Variants in TTLL11 observed in about 807,000 individuals in gnomAD.
TTLL11 encodes tubulin polyglutamylase TTLL11.
TTLL11 carries 42 observed loss-of-function variants against 51.7 expected under a neutral mutation model. The ratio of observed to expected loss-of-function variants is 0.81; its 90% confidence interval spans 0.64 to 1.05. The LOEUF is 1.05. Ranked by LOEUF, TTLL11 falls within the 50% of genes least tolerant of loss-of-function variation. The pLI, the probability that TTLL11 is intolerant of heterozygous loss-of-function variation, is 0.00. For missense variants in TTLL11, 799 were observed against 940.4 expected, an observed-to-expected ratio of 0.85 and a Z score of 1.97; for synonymous variants, 381 against 383.5, an observed-to-expected ratio of 0.99 and a Z score of 0.08.
In TTLL11 at chr9:122,036,910, T is replaced by G. The variant is rs563844976; in HGVS notation, c.559+2362A>C. ...AGAGGTTTAAGAGTCTGCTTTGTCA[T>G]TAGAACTAATTAATTTCTGTTAATA... On this transcript the variant is annotated intron_variant, in intron 2 of 8. Transcript: ENST00000321582. Among the ~76,000 whole-genome samples the G allele has an allele frequency of 2.0e-5, 3 of 152,290 alleles. No individual in the cohort carries two copies. The East Asian group carries it at 5.8e-4, about 29-fold the overall frequency.
intron 1 of TTLL11, among the ~76,000 whole-genome samples, chr9:122,091,487 T>C (rs1194496094): frequency 6.6e-6 from 1 of 152,174 alleles, no homozygotes; most frequent in African/African-American, 2.4e-5. Context: ...CTACACCCTA[T>C]CCACCTGGAA....
chr9:121,943,446 A>G (rs1365361700), intron 6 of TTLL11, among the ~76,000 whole-genome samples: 1 of 152,122 alleles, frequency 6.6e-6, no homozygotes, highest in East Asian at 1.9e-4. Context: ...CTTCCCCCAA[A>G]CACTTACCTC....
At chr9:122,003,967 C>A (rs915475920) in intron 3 of TTLL11, among the ~76,000 whole-genome samples, 1 of 150,602 alleles carries the variant, frequency 6.6e-6, no homozygotes, top group African/African-American at 2.4e-5. Context: ...TACAAAAATA[C>A]AAAAAGTGGC....
rs142119523 is a variant in TTLL11, at chr9:121,922,866, T to C, written c.1481+51143A>G. The stretch of plus-strand genomic sequence containing the variant: ...ATATAAACAGATAATTTCCCAGTAC[T>C]ATAAAATGAAACATAAATAGTAAAT... On this transcript the variant is annotated intron_variant, in intron 6 of 8. Transcript: ENST00000321582. Among the ~76,000 whole-genome samples, 316 of 152,140 alleles carry C rather than the reference T, an allele frequency of 2.1e-3. 1 individual carries two copies. Among genetic ancestry groups the C allele is most frequent in the Non-Finnish European group, 3.8e-3 (257 of 68,006 alleles).
At chr9:121,962,586 A>C (rs1473198687) in intron 6 of TTLL11, among the ~76,000 whole-genome samples, 4 of 152,210 alleles carry the variant, frequency 2.6e-5, no homozygotes, top group African/African-American at 7.2e-5. Context: ...GTTGTCTACT[A>C]TCAGTGATTT....
At position 121,870,727 on chromosome 9, in the gene TTLL11, T is replaced by A; in HGVS notation, c.1503A>T (p.Pro501=). 1 of 1,548,752 alleles carries A rather than the reference T, an allele frequency of 6.5e-7. No individual in the cohort carries two copies. The highest frequency in any genetic ancestry group is 8.7e-7 in the Non-Finnish European group (1 of 1,144,832). ...RENQSQQLEK[P]FAGKEDALDG... ...CCAAAGCATCTTCCTTTCCAGCGAA[T>A]GGTTTTTCAAGCTGCTGAGACCTGA... is the stretch of plus-strand genomic sequence containing the variant. Residue 501 remains proline (P), a synonymous_variant, in exon 7 of 9, where the codon CCA becomes CCT. Coordinates refer to ENST00000321582, the MANE Select transcript of TTLL11 (RefSeq NM_001139442.2).
intron 6 of TTLL11, among the ~76,000 whole-genome samples, chr9:121,871,684 G>C (rs1030137481): frequency 6.6e-6 from 1 of 152,186 alleles, no homozygotes; most frequent in Admixed American, 6.5e-5. Flanking sequence ...TCCCAAGTCT[G>C]TACTGCTCAT....
intron 8 of TTLL11, among the ~76,000 whole-genome samples, chr9:121,826,581 A>ATG (rs1836813300): frequency 7.4e-6 from 1 of 135,820 alleles, no homozygotes; most frequent in Non-Finnish European, 1.5e-5. Context: ...ATATATATAT[A>ATG]TGTATATGGT....
At chr9:122,019,119 T>C (rs1844089469) in intron 3 of TTLL11, among the ~76,000 whole-genome samples, 1 of 152,200 alleles carries the variant, frequency 6.6e-6, no homozygotes. Context: ...CCAAATCCCA[T>C]TGATGCCAAC....
At chr9:121,873,069 A>C (rs1197528011) in intron 6 of TTLL11, among the ~76,000 whole-genome samples, 1 of 152,216 alleles carries the variant, frequency 6.6e-6, no homozygotes, top group Non-Finnish European at 1.5e-5. Context: ...GCAATCAATG[A>C]CTTTATAAGC....
In TTLL11 at chr9:121,865,143, G is replaced by A. The variant is rs1838140000; in HGVS notation, c.1734-4700C>T. On this transcript the variant is annotated intron_variant, in intron 7 of 8. Transcript: ENST00000321582. ...TGGAAAGGGATTGTCACAGAAGCAG[G>A]GGAGATTATCAAAGTCACTGAGGAG... 2.0e-5 allele frequency among the ~76,000 whole-genome samples: 3 copies of A among 152,152 alleles called. No individual in the cohort carries two copies. The South Asian group carries it at 6.2e-4, about 32-fold the overall frequency.
At chr9:122,015,338 G>A (rs1843930954) in intron 3 of TTLL11, among the ~76,000 whole-genome samples, 1 of 152,140 alleles carries the variant, frequency 6.6e-6, no homozygotes, top group Admixed American at 6.5e-5. Flanking sequence ...CAAGCAGGAG[G>A]TGAAGTTCTA....
chr9:121,823,533 A>G (rs7873399), intron 8 of TTLL11, among the ~76,000 whole-genome samples: 99,008 of 152,034 alleles, frequency 0.65, 32,883 homozygotes, highest in East Asian at 0.79. Context: ...GTGACAGAGT[A>G]AGACTCCATC....
intron 6 of TTLL11, among the ~76,000 whole-genome samples, chr9:121,878,266 G>A (rs753132297): frequency 1.3e-5 from 2 of 152,160 alleles, no homozygotes; most frequent in Non-Finnish European, 2.9e-5. Context: ...TTTCCACAAA[G>A]CATCAAGATG....
intron 6 of TTLL11, 129 bp from the exon 7 acceptor site, chr9:121,870,877 A>C: frequency 9.0e-7 from 1 of 1,109,168 alleles, no homozygotes; most frequent in Non-Finnish European, 1.2e-6. Context: ...GACTGACCAC[A>C]GAGAAGTGAC....
intron 6 of TTLL11, among the ~76,000 whole-genome samples, chr9:121,900,561 G>A (rs963362192): frequency 1.6e-4 from 24 of 152,066 alleles, no homozygotes; most frequent in African/African-American, 5.1e-4. Flanking sequence ...CAGCCTTAAC[G>A]TCTTTGAATA....
At chr9:121,875,329 C>CCAG (rs1013299286) in intron 6 of TTLL11, among the ~76,000 whole-genome samples, 1 of 152,200 alleles carries the variant, frequency 6.6e-6, no homozygotes, top group Non-Finnish European at 1.5e-5. Context: ...GCAATGGTAA[C>CCAG]CAGCAAATTG....
At chr9:122,078,217 G>T (rs1249190089) in intron 1 of TTLL11, among the ~76,000 whole-genome samples, 1 of 151,998 alleles carries the variant, frequency 6.6e-6, no homozygotes. Flanking sequence ...AGCAAGCCAT[G>T]AAATAGAAAA....
intron 8 of TTLL11, among the ~76,000 whole-genome samples, chr9:121,858,578 C>T (rs888914179): frequency 4.6e-5 from 7 of 152,180 alleles, no homozygotes; most frequent in African/African-American, 1.2e-4. Flanking sequence ...CAGGAAGGAC[C>T]GGCTGCATCT....
Sources: allele counts gnomAD v4.1 joint callset (sites outside exome capture counted in the v4.1 genomes callset), GRCh38; gene constraint gnomAD v4.1.1; transcripts MANE v1.5; gene names NCBI Gene and HGNC (gene_info 2026-07-23, HGNC 2026-07-21).